LMO7: variants seen among roughly 807,000 people sequenced by gnomAD.
The protein encoded by LMO7 is LIM domain 7, also known as LIM domain only protein 7.
A neutral mutation model predicts 206.5 loss-of-function variants in LMO7; 120 were observed. The observed-to-expected ratio is 0.58, with a 90% CI of 0.50 to 0.68. LMO7 has a LOEUF of 0.68. Among genes scored for constraint, LMO7 ranks in the 30% least tolerant of loss-of-function variants. The pLI is 0.00. For synonymous variants in LMO7, 706 were observed against 681.5 expected, an observed-to-expected ratio of 1.04 and a Z score of -0.56; for missense variants, 1,959 against 1,957.9, an observed-to-expected ratio of 1.00 and a Z score of -0.01.
At chr13:75,777,506 A>T (rs1326027540) in intron 4 of LMO7, among the ~76,000 whole-genome samples, 2 of 152,174 alleles carry the variant, frequency 1.3e-5, no homozygotes, top group Admixed American at 1.3e-4. Context: ...CTATTTACAC[A>T]TCACTACTTT....
chr13:75,841,276 A>G (rs1566594088), intron 23 of LMO7, 75 bp downstream of exon 23: 11 of 936,864 alleles, frequency 1.2e-5, no homozygotes, highest in South Asian at 1.6e-5. Flanking sequence ...ATCAGGAGAC[A>G]CTTCATTTTT....
chr13:75,829,586 A>G (rs1428123629), intron 15 of LMO7, among the ~76,000 whole-genome samples: 5 of 152,224 alleles, frequency 3.3e-5, no homozygotes, highest in African/African-American at 9.6e-5. Context: ...TTTACAGTCT[A>G]GATTTACTTT....
intron 11 of LMO7, among the ~76,000 whole-genome samples, chr13:75,809,827 CAT>C (rs1491368453): frequency 7.1e-6 from 1 of 140,006 alleles, no homozygotes; most frequent in Non-Finnish European, 1.5e-5. Context: ...GCAAAAACTA[CAT>C]TTTTTTTTTT....
intron 1 of LMO7, chr13:75,688,607 A>G (rs1297977686): frequency 6.6e-6 from 1 of 152,288 alleles, no homozygotes; most frequent in Non-Finnish European, 1.5e-5. Flanking sequence ...TTAACCCCCC[A>G]TGGAAGTTTC....
intron 24 of LMO7, 56 bp from the exon 25 acceptor site, chr13:75,842,795 C>A: frequency 1.9e-6 from 2 of 1,071,476 alleles, no homozygotes; most frequent in South Asian, 1.3e-5. Context: ...TTCTTAAACT[C>A]AGGGAAGGGC....
At chr13:75,698,712 A>C (rs2042067785) in intron 1 of LMO7, among the ~76,000 whole-genome samples, 1 of 151,926 alleles carries the variant, frequency 6.6e-6, no homozygotes, top group Admixed American at 6.6e-5. Context: ...ATGGTGCGAA[A>C]GGTCTTTGTA....
rs2061113796 is a variant in LMO7 at position 75,858,148 on chromosome 13, T to G, written c.*205T>G. On this transcript the variant is annotated 3_prime_UTR_variant, in exon 31 of 31. Transcript: ENST00000377534. ...TGTTTATTTATAAGGTAATTGTGTG[T>G]GGGGAAAAGTGCAGTATTTACCTGT... The G allele has an allele frequency of 4.2e-6, 2 of 471,006 alleles. No homozygotes were observed. Among genetic ancestry groups the G allele is most frequent in the South Asian group, 8.4e-5 (2 of 23,816 alleles). 29.2% of individuals were successfully genotyped at this position (471,006 alleles called of 1,614,324 possible).
chr13:75,657,094 G>A (rs754084257), intron 1 of LMO7, among the ~76,000 whole-genome samples: 3 of 152,178 alleles, frequency 2.0e-5, no homozygotes, highest in Non-Finnish European at 2.9e-5. Flanking sequence ...GATGAAGGCC[G>A]TGGGAAGATG....
rs757310525 is a variant in LMO7 at position 75,838,112 on chromosome 13, A to G, written c.3395-28A>G. 4 of 1,321,536 alleles carry G rather than the reference A, an allele frequency of 3.0e-6. No individual in the cohort carries two copies. The Admixed American group carries it at 6.8e-5, about 22-fold the overall frequency. The allele number at this position is 1,321,536 out of a possible 1,614,324, so 81.9% of individuals were successfully genotyped here. A position where few individuals can be genotyped will look rare whatever the true frequency, so the allele number is the denominator to read the frequency against. On this transcript the variant is annotated intron_variant, in intron 19 of 30. Transcript: ENST00000377534. ...CAATGGTGAGAAATAAAAATGAATG[A>G]CATAGTGTTTATTTTTTTTTCAACT...
At chr13:75,778,564 CA>C (rs1234880569) in intron 4 of LMO7, among the ~76,000 whole-genome samples, 2 of 152,234 alleles carry the variant, frequency 1.3e-5, no homozygotes, top group African/African-American at 4.8e-5. Context: ...CGCCCTTAAG[CA>C]GATGTAAGCA....
chr13:75,710,831 C>G (rs186122009), intron 1 of LMO7, among the ~76,000 whole-genome samples: 1 of 151,940 alleles, frequency 6.6e-6, no homozygotes, highest in African/African-American at 2.4e-5. Context: ...ACTTCCAACA[C>G]TATGTTGAAT....
At chr13:75,815,022 C>G (rs2056830213) in intron 11 of LMO7, among the ~76,000 whole-genome samples, 1 of 151,996 alleles carries the variant, frequency 6.6e-6, no homozygotes, top group Non-Finnish European at 1.5e-5. Context: ...GTCTTTAACT[C>G]TAATGAAATG....
intron 3 of LMO7, among the ~76,000 whole-genome samples, chr13:75,738,732 A>G (rs563861605): frequency 9.2e-5 from 14 of 152,354 alleles, no homozygotes; most frequent in African/African-American, 3.4e-4. Context: ...ATCTCAAAAC[A>G]AAACCTTGAA....
At chr13:75,760,910 C>G (rs1452215844) in intron 3 of LMO7, 22 bp from the exon 4 acceptor site, 1 of 1,612,230 alleles carries the variant, frequency 6.2e-7, no homozygotes, top group Non-Finnish European at 8.5e-7. Flanking sequence ...GCTAAGCAAT[C>G]ACTTTCCACT....
chr13:75,665,637 C>G (rs1258974184), intron 1 of LMO7, among the ~76,000 whole-genome samples: 1 of 152,150 alleles, frequency 6.6e-6, no homozygotes, highest in Admixed American at 6.5e-5. Flanking sequence ...AGCGACTCTC[C>G]TGCCTCAGCC....
At chr13:75,621,476 G>T in exon 1 of LMO7, 1 of 285,208 alleles carries the variant, frequency 3.5e-6, no homozygotes, top group Non-Finnish European at 6.5e-6. Flanking sequence ...TGGGGGCAAA[G>T]AATGCTGTTT....
At chr13:75,697,190 G>A (rs2041968874) in intron 1 of LMO7, among the ~76,000 whole-genome samples, 1 of 152,112 alleles carries the variant, frequency 6.6e-6, no homozygotes, top group Non-Finnish European at 1.5e-5. Flanking sequence ...CTTCCTGAAG[G>A]CACGTTCTCA....
intron 3 of LMO7, among the ~76,000 whole-genome samples, chr13:75,740,216 T>C (rs1388258456): frequency 1.3e-5 from 2 of 152,184 alleles, no homozygotes; most frequent in Non-Finnish European, 2.9e-5. Flanking sequence ...TCAAGCCGCA[T>C]GTGTGTCTCA....
rs1047604334 is a variant in LMO7, at chr13:75,849,247, C to T, written c.4319C>T (p.Ala1440Val). The change falls in exon 27 of 31, where the codon GCC (alanine) becomes GTC (valine). Residue 1440 changes from alanine to valine, a missense_variant. Physicochemically the swap from Ala to Val is moderately conservative, Grantham distance 64. Transcript: ENST00000377534. ...AACAGCTGGATCCGACAGCGCAGTG[C>T]CAGTGTCAACAAAGAGCCTGTTAGT... ...NDNSWIRQRSASVNKEPVSLP... is the reference protein window; with the variant it reads ...NDNSWIRQRSVSVNKEPVSLP... The T allele has an allele frequency of 6.2e-7, 1 of 1,614,064 alleles. No individual in the cohort carries two copies. The highest frequency in any genetic ancestry group is 1.7e-5 in the Admixed American group (1 of 60,016).
Sources: allele counts gnomAD v4.1 joint callset (sites outside exome capture counted in the v4.1 genomes callset), GRCh38; gene constraint gnomAD v4.1.1; transcripts MANE v1.5; gene names NCBI Gene and HGNC (gene_info 2026-07-23, HGNC 2026-07-21).